DNAJC11: variants seen among roughly 807,000 people sequenced by gnomAD.
DNAJC11 encodes DnaJ heat shock protein family (Hsp40) member C11, also known as dnaJ homolog subfamily C member 11.
In DNAJC11, 15 loss-of-function variants were observed where a neutral mutation model predicts 78.6. The observed-to-expected ratio is 0.19, with a 90% CI of 0.13 to 0.29. The LOEUF (loss-of-function observed/expected upper bound fraction) is 0.29, where lower values mean the gene tolerates loss of function less well. Ranked by LOEUF, DNAJC11 falls within the 10% of genes least tolerant of loss-of-function variation. The probability of loss-of-function intolerance (pLI) is 1.00; values close to 1 mark genes in which losing one functional copy is unlikely to be tolerated. For missense variants in DNAJC11, 547 were observed against 709.6 expected (o/e 0.77, Z 2.60); for synonymous variants, 292 against 272.1 (o/e 1.07, Z -0.72).
At chr1:6,667,573 T>C in intron 4 of DNAJC11, 136 bp downstream of exon 4, 1 of 702,878 alleles carries the variant, frequency 1.4e-6, no homozygotes, top group Non-Finnish European at 2.4e-6. Context: ...TTTGACATAA[T>C]ATAAGCTAAA....
intron 7 of DNAJC11, among the ~76,000 whole-genome samples, chr1:6,646,342 A>C (rs2148730666): frequency 6.6e-6 from 1 of 152,310 alleles, no homozygotes; most frequent in South Asian, 2.1e-4. Context: ...TAAGCAGTCC[A>C]AGACAGTGGT....
Position 6,679,634 on chromosome 1 carries a change from C to CA in DNAJC11, c.203-1168dup, listed in dbSNP as rs1279500855. Among the ~76,000 whole-genome samples the CA allele has an allele frequency of 1.4e-4, 22 of 152,304 alleles. No homozygotes were observed. In the East Asian group the frequency reaches 4.2e-3, roughly 29 times the overall value. On this transcript the variant is annotated intron_variant, in intron 2 of 15. Coordinates refer to ENST00000377577, the MANE Select transcript of DNAJC11 (RefSeq NM_018198.4). ...GGAAGAAATGCTGGCCCCTGGAAAA[C>CA]ACAGGAGCCAAACTTGTGTTCCTCT...
intron 13 of DNAJC11, 23 bp from the exon 14 acceptor site, chr1:6,637,363 G>A (rs759624916): frequency 2.5e-6 from 4 of 1,614,108 alleles, no homozygotes; most frequent in Admixed American, 3.3e-5. Flanking sequence ...TCCGAGTAGA[G>A]GAAGGCCTCC....
intron 1 of DNAJC11, among the ~76,000 whole-genome samples, chr1:6,701,188 G>A (rs944243024): frequency 6.6e-6 from 1 of 152,182 alleles, no homozygotes; most frequent in Non-Finnish European, 1.5e-5. Flanking sequence ...GAATGAAAGA[G>A]GGCATGAGAC....
chr1:6,647,807 C>T (rs1053127814), intron 7 of DNAJC11, among the ~76,000 whole-genome samples: 1 of 152,134 alleles, frequency 6.6e-6, no homozygotes, highest in Non-Finnish European at 1.5e-5. Flanking sequence ...GAGCAAGACT[C>T]CGTCTCAAAC....
rs774757049 is a variant in DNAJC11, at chr1:6,634,647, G to A, written c.*1028C>T. On this transcript the variant is annotated 3_prime_UTR_variant, in exon 16 of 16. Transcript: ENST00000377577. ...TACTGCAGCCGAGGTCCAGGCCGTGGAGGGGGTCCTAGCTCCGCTGCATTC... is the reference window on the plus strand; with the variant it reads ...TACTGCAGCCGAGGTCCAGGCCGTGAAGGGGGTCCTAGCTCCGCTGCATTC... The A allele has an allele frequency of 4.4e-6, 6 of 1,366,418 alleles. No homozygotes were observed. The highest frequency in any genetic ancestry group is 2.1e-4 in the Middle Eastern group (1 of 4,788). 84.6% of individuals were successfully genotyped at this position (1,366,418 alleles called of 1,614,324 possible).
chr1:6,682,033 G>C (rs1354001536), intron 1 of DNAJC11, among the ~76,000 whole-genome samples: 1 of 151,888 alleles, frequency 6.6e-6, no homozygotes, highest in African/African-American at 2.4e-5. Flanking sequence ...TCTGCCAACT[G>C]AACAGAAGAA....
chr1:6,686,387 C>T (rs1245800973), intron 1 of DNAJC11, among the ~76,000 whole-genome samples: 2 of 152,204 alleles, frequency 1.3e-5, no homozygotes, highest in Non-Finnish European at 2.9e-5. Flanking sequence ...CTAGATGATA[C>T]TGCAGTAACA....
At chr1:6,689,046 C>T (rs1642701542) in intron 1 of DNAJC11, among the ~76,000 whole-genome samples, 1 of 152,102 alleles carries the variant, frequency 6.6e-6, no homozygotes, top group Non-Finnish European at 1.5e-5. Flanking sequence ...CTAATTTATA[C>T]AGGGCTTTAA....
chr1:6,639,743 A>G lies in DNAJC11; in HGVS notation c.1253+159T>C, dbSNP rs191767219. ...GAGGAGAAATAGTTAACATTTACCA[A>G]TCGTGACCCAGACATCAGCCTAAGT... On this transcript the variant is annotated intron_variant, in intron 11 of 15. Coordinates refer to ENST00000377577, the MANE Select transcript of DNAJC11 (RefSeq NM_018198.4). 1.7e-3 allele frequency among the ~76,000 whole-genome samples: 263 copies of G among 152,326 alleles called. 1 individual carries two copies. Among genetic ancestry groups the G allele is most frequent in the Non-Finnish European group, 3.0e-3 (205 of 68,034 alleles).
At chr1:6,646,066 C>T in intron 7 of DNAJC11, 88 bp from the exon 8 acceptor site, 1 of 1,377,440 alleles carries the variant, frequency 7.3e-7, no homozygotes, top group Non-Finnish European at 1.0e-6. Context: ...TAAGACCTCA[C>T]TTACTGTCAC....
At chr1:6,694,501 G>A (rs1378346101) in intron 1 of DNAJC11, among the ~76,000 whole-genome samples, 3 of 151,986 alleles carry the variant, frequency 2.0e-5, no homozygotes, top group East Asian at 1.9e-4. Context: ...GCAGGACATC[G>A]TGCCCCTTCC....
At chr1:6,693,834 A>ATT (rs34877805) in intron 1 of DNAJC11, among the ~76,000 whole-genome samples, 1,490 of 101,148 alleles carry the variant, frequency 0.015, 8 homozygotes, top group South Asian at 0.029. Flanking sequence ...AAGTACCCCC[A>ATT]TTTTTTTTTT....
chr1:6,634,898 T>A lies in DNAJC11; in HGVS notation c.*777A>T. The A allele has an allele frequency of 2.5e-6, 3 of 1,185,388 alleles. No homozygotes were observed. The highest frequency in any genetic ancestry group is 3.2e-6 in the Non-Finnish European group (3 of 933,020). 73.4% of individuals were successfully genotyped at this position (1,185,388 alleles called of 1,614,324 possible). On this transcript the variant is annotated 3_prime_UTR_variant, in exon 16 of 16. Transcript: ENST00000377577. ...GAGCTGCCCTTGCCCAGCACTGCAC[T>A]CTGGAGGTGGGTGGTGCAGGCGGTG...
In DNAJC11 at chr1:6,682,163, C is replaced by CA. The variant is rs60985504; in HGVS notation, c.73-1127dup. On this transcript the variant is annotated intron_variant, in intron 1 of 15. Transcript: ENST00000377577. ...TAAGTTAGTCCTGGGACCATAATTA[C>CA]AAAAAAAAAAAAAAAAAAAAGATGA... Among the ~76,000 whole-genome samples, 686 of 94,074 alleles carry CA rather than the reference C, an allele frequency of 7.3e-3. 34 individuals carry two copies. The highest frequency in any genetic ancestry group is 0.02 in the African/African-American group (468 of 23,084). 61.7% of individuals were successfully genotyped at this position (94,074 alleles called of 152,430 possible). A position where few individuals can be genotyped will look rare whatever the true frequency, so the allele number is the denominator to read the frequency against.
chr1:6,670,739 T>C (rs1163511298), intron 3 of DNAJC11: 9 of 152,142 alleles, frequency 5.9e-5, no homozygotes, highest in Admixed American at 5.9e-4. Flanking sequence ...GCATTCTGGG[T>C]TCTATTTCGT....
intron 1 of DNAJC11, among the ~76,000 whole-genome samples, chr1:6,700,242 A>G (rs1441063855): frequency 6.6e-6 from 1 of 152,192 alleles, no homozygotes; most frequent in Non-Finnish European, 1.5e-5. Context: ...CCCACAAAAA[A>G]TTGCTCCTAA....
At chr1:6,657,892 A>T (rs965299366) in intron 4 of DNAJC11, among the ~76,000 whole-genome samples, 1 of 152,166 alleles carries the variant, frequency 6.6e-6, no homozygotes, top group Non-Finnish European at 1.5e-5. Flanking sequence ...TGATCTGCCC[A>T]CCTTGGCCTC....
At position 6,635,681 on chromosome 1, in the gene DNAJC11, A is replaced by T; in HGVS notation, c.1674T>A (p.Asp558Glu). ...IPKQSHRIDT[D>E]G ...AAATCTGGTTCTTGGCAGTTTATCC[A>T]TCTGTATCGATCCTGTGGGCTGTAA... Residue 558 changes from aspartate to glutamate, a missense_variant, in exon 16 of 16, where the codon GAT becomes GAA. Coordinates refer to ENST00000377577, the MANE Select transcript of DNAJC11 (RefSeq NM_018198.4). The T allele has an allele frequency of 1.2e-6, 2 of 1,614,118 alleles. No individual in the cohort carries two copies. Among genetic ancestry groups the T allele is most frequent in the South Asian group, 1.1e-5 (1 of 91,076 alleles).
Sources: allele counts gnomAD v4.1 joint callset (sites outside exome capture counted in the v4.1 genomes callset), GRCh38; gene constraint gnomAD v4.1.1; transcripts MANE v1.5; gene names NCBI Gene and HGNC (gene_info 2026-07-23, HGNC 2026-07-21).